Variants in FAM241A observed in about 807,000 individuals in gnomAD.
FAM241A encodes family with sequence similarity 241 member A.
FAM241A carries 7 observed loss-of-function variants against 12.2 expected under a neutral mutation model. The observed-to-expected ratio is 0.58, with a 90% confidence interval of 0.33 to 1.08. FAM241A has a LOEUF of 1.08. Ranked by LOEUF, FAM241A falls within the 50% of genes least tolerant of loss-of-function variation. The pLI is 0.04. For missense variants in FAM241A, 161 were observed against 169.7 expected (o/e 0.95, Z 0.29); for synonymous variants, 74 against 68.2 (o/e 1.08, Z -0.42).
intron 1 of FAM241A, among the ~76,000 whole-genome samples, chr4:112,180,713 G>A (rs1723917714): frequency 6.6e-6 from 1 of 152,144 alleles, no homozygotes; most frequent in Non-Finnish European, 1.5e-5. Context: ...GGTCAAAGAG[G>A]TGCAGTACTG....
In FAM241A at chr4:112,195,152, T is replaced by A. The variant is rs1478767700; in HGVS notation, c.*8214T>A. On this transcript the variant is annotated 3_prime_UTR_variant, in exon 2 of 2. Transcript: ENST00000309733. ...AGTATCGAAGCGTGGTGTTTTAGGC[T>A]CCAGAAGAAATCCACTATTACAGTG... 6.6e-6 allele frequency: 1 copy of A among 152,228 alleles called. No individual in the cohort carries two copies. The highest frequency in any genetic ancestry group is 2.4e-5 in the African/African-American group (1 of 41,464). The allele number at this position is 152,228 out of a possible 1,614,324, so 9.4% of individuals were successfully genotyped here. A position where few individuals can be genotyped will look rare whatever the true frequency, so the allele number is the denominator to read the frequency against.
At chr4:112,171,197 C>T (rs568312625) in intron 1 of FAM241A, 6 of 658,242 alleles carry the variant, frequency 9.1e-6, no homozygotes, top group South Asian at 1.5e-5. Flanking sequence ...CTTTCTGTGC[C>T]GATAGCACTC....
intron 1 of FAM241A, among the ~76,000 whole-genome samples, chr4:112,175,976 C>T (rs190576491): frequency 2.0e-5 from 3 of 152,130 alleles, no homozygotes; most frequent in Non-Finnish European, 2.9e-5. Context: ...AACACAACAA[C>T]ATGTAATACT....
At chr4:112,184,204 T>C (rs1723997216) in intron 1 of FAM241A, among the ~76,000 whole-genome samples, 1 of 152,160 alleles carries the variant, frequency 6.6e-6, no homozygotes. Context: ...CTTTTTCTGA[T>C]AGAAGTGAAA....
intron 1 of FAM241A, among the ~76,000 whole-genome samples, chr4:112,155,180 A>G (rs1406953338): frequency 6.6e-6 from 1 of 152,122 alleles, no homozygotes; most frequent in African/African-American, 2.4e-5. Context: ...CTTTCTCTAC[A>G]ATAGGCAGCT....
chr4:112,165,653 A>G (rs1299089529), intron 1 of FAM241A, among the ~76,000 whole-genome samples: 1 of 152,248 alleles, frequency 6.6e-6, no homozygotes, highest in Non-Finnish European at 1.5e-5. Flanking sequence ...TAAGCCAGGC[A>G]CAGGAAGACA....
intron 1 of FAM241A, among the ~76,000 whole-genome samples, chr4:112,167,070 C>G (rs1270426340): frequency 7.4e-6 from 1 of 135,510 alleles, no homozygotes; most frequent in Non-Finnish European, 1.6e-5. Flanking sequence ...GCCGAGATCC[C>G]GCCACTGCAC....
chr4:112,162,613 G>A (rs1409188871), intron 1 of FAM241A, among the ~76,000 whole-genome samples: 1 of 152,120 alleles, frequency 6.6e-6, no homozygotes, highest in East Asian at 1.9e-4. Flanking sequence ...GGATGTGAAG[G>A]ACCTCTTCAA....
At chr4:112,175,591 A>C (rs1458316588) in intron 1 of FAM241A, among the ~76,000 whole-genome samples, 2 of 152,044 alleles carry the variant, frequency 1.3e-5, no homozygotes, top group African/African-American at 2.4e-5. Context: ...AACATGGTGA[A>C]GCCCCATCTC....
chr4:112,177,291 A>T (rs1471474535), intron 1 of FAM241A, among the ~76,000 whole-genome samples: 1 of 152,180 alleles, frequency 6.6e-6, no homozygotes, highest in Non-Finnish European at 1.5e-5. Flanking sequence ...TCTGTGTAAA[A>T]TGAAAGTGTA....
Position 112,192,761 on chromosome 4 carries a change from G to C in FAM241A, c.*5823G>C, listed in dbSNP as rs1305645451. The C allele has an allele frequency of 1.3e-5, 2 of 150,920 alleles. No homozygotes were observed. Among genetic ancestry groups the C allele is most frequent in the Admixed American group, 6.6e-5 (1 of 15,144 alleles). The allele number at this position is 150,920 out of a possible 1,614,324, so 9.3% of individuals were successfully genotyped here. A position where few individuals can be genotyped will look rare whatever the true frequency, so the allele number is the denominator to read the frequency against. ...CAGTCTATCATTGTTGGACATTTGGGTTGGTTCCAAGTCTTTGCTATTGTG... is the reference window on the plus strand; with the variant it reads ...CAGTCTATCATTGTTGGACATTTGGCTTGGTTCCAAGTCTTTGCTATTGTG... On this transcript the variant is annotated 3_prime_UTR_variant, in exon 2 of 2. Transcript: ENST00000309733.
At chr4:112,177,838 G>A (rs908773532) in intron 1 of FAM241A, among the ~76,000 whole-genome samples, 8 of 152,042 alleles carry the variant, frequency 5.3e-5, no homozygotes. Context: ...ATTTAGTCTA[G>A]AATTTATAAA....
At chr4:112,179,943 A>ATATGTG (rs1553921438) in intron 1 of FAM241A, among the ~76,000 whole-genome samples, 2 of 129,514 alleles carry the variant, frequency 1.5e-5, no homozygotes, top group Non-Finnish European at 3.2e-5. Context: ...ATATATGTAT[A>ATATGTG]TGTGTGTGTG....
At chr4:112,159,201 TGACTCTTTA>T (rs1723412997) in intron 1 of FAM241A, among the ~76,000 whole-genome samples, 1 of 152,230 alleles carries the variant, frequency 6.6e-6, no homozygotes, top group South Asian at 2.1e-4. Flanking sequence ...CGGTTTGCTT[TGACTCTTTA>T]GTAGAGTAAA....
intron 1 of FAM241A, among the ~76,000 whole-genome samples, chr4:112,146,094 T>C (rs1004859015): frequency 5.3e-5 from 8 of 152,288 alleles, no homozygotes; most frequent in Non-Finnish European, 7.4e-5. Context: ...ACACTTCTTT[T>C]TCAACTTCGA....
chr4:112,152,811 C>T (rs1187775018), intron 1 of FAM241A, among the ~76,000 whole-genome samples: 3 of 152,146 alleles, frequency 2.0e-5, no homozygotes, highest in Non-Finnish European at 4.4e-5. Flanking sequence ...TATTAGCCCC[C>T]GTGATCCTGA....
chr4:112,162,930 C>T (rs186940359), intron 1 of FAM241A, among the ~76,000 whole-genome samples: 1 of 152,284 alleles, frequency 6.6e-6, no homozygotes, highest in East Asian at 1.9e-4. Context: ...GCTACAGTAA[C>T]CAAAACAGCA....
intron 1 of FAM241A, among the ~76,000 whole-genome samples, chr4:112,151,385 A>C (rs1723242239): frequency 6.6e-6 from 1 of 152,200 alleles, no homozygotes; most frequent in Non-Finnish European, 1.5e-5. Flanking sequence ...CAGAACCATG[A>C]GCCAAATAAA....
At chr4:112,176,952 G>T (rs1458287545) in intron 1 of FAM241A, among the ~76,000 whole-genome samples, 1 of 152,138 alleles carries the variant, frequency 6.6e-6, no homozygotes, top group Non-Finnish European at 1.5e-5. Context: ...CTCATGTACT[G>T]GTTTATATGT....
Sources: allele counts gnomAD v4.1 joint callset (sites outside exome capture counted in the v4.1 genomes callset), GRCh38; gene constraint gnomAD v4.1.1; transcripts MANE v1.5; gene names NCBI Gene and HGNC (gene_info 2026-07-23, HGNC 2026-07-21).